TFEC: variants seen among roughly 807,000 people sequenced by gnomAD.
The protein encoded by TFEC is class E basic helix-loop-helix protein 34.
Under a neutral mutation model 41.6 loss-of-function variants are expected in TFEC, and 31 were observed. That is an observed-to-expected ratio of 0.74 (90% CI 0.56 to 1.01). TFEC has a LOEUF of 1.01. TFEC is among the 50% of genes least tolerant of loss of function. The pLI, the probability that TFEC is intolerant of heterozygous loss-of-function variation, is 0.00. For synonymous variants in TFEC, 143 were observed against 140.6 expected (o/e 1.02, Z -0.12); for missense variants, 402 against 404.1 (o/e 0.99, Z 0.04).
intron 3 of TFEC, among the ~76,000 whole-genome samples, chr7:116,097,645 C>T (rs1301504219): frequency 6.6e-6 from 1 of 152,092 alleles, no homozygotes; most frequent in African/African-American, 2.4e-5. Context: ...GTGATCTCAT[C>T]ACACTCCTCA....
intron 3 of TFEC, among the ~76,000 whole-genome samples, chr7:116,093,413 GAAAAGAAAAGCATTTCAGAAAGA>G (rs1418773301): frequency 6.6e-6 from 1 of 152,002 alleles, no homozygotes; most frequent in Non-Finnish European, 1.5e-5. Context: ...TTTTCAGAAA[GAAAAGAAAAGCATTTCAGAAAGA>G]AAAACTGAAA....
chr7:115,988,587 T>C (rs1422508014), intron 1 of TFEC, among the ~76,000 whole-genome samples: 5 of 151,650 alleles, frequency 3.3e-5, no homozygotes, highest in African/African-American at 7.3e-5. Context: ...TGTGGGACAA[T>C]GACAAAAGAT....
chr7:116,091,778 T>G (rs1040780470), intron 3 of TFEC, among the ~76,000 whole-genome samples: 18 of 152,158 alleles, frequency 1.2e-4, no homozygotes, highest in African/African-American at 4.3e-4. Flanking sequence ...AAATTCTTCT[T>G]TTTATAAACA....
chr7:116,035,323 G>A (rs181978815), upstream of TFEC, among the ~76,000 whole-genome samples: 10 of 152,036 alleles, frequency 6.6e-5, no homozygotes, highest in East Asian at 9.7e-4. Flanking sequence ...CCTGCAGGAC[G>A]CTCCTCTCTT....
intron 1 of TFEC, among the ~76,000 whole-genome samples, chr7:116,023,628 C>G (rs1240789079): frequency 6.6e-6 from 1 of 152,146 alleles, no homozygotes; most frequent in Non-Finnish European, 1.5e-5. Flanking sequence ...ATGAACATCT[C>G]AAGAGACTTG....
In TFEC at chr7:115,941,805, G is replaced by A. The variant is rs141421898; in HGVS notation, c.663+88C>T. 252 of 1,485,246 alleles carry A rather than the reference G, an allele frequency of 1.7e-4. 1 individual carries two copies. The East Asian group carries it at 5.8e-3, about 34-fold the overall frequency. 92.0% of individuals were successfully genotyped at this position (1,485,246 alleles called of 1,614,324 possible). A position where few individuals can be genotyped will look rare whatever the true frequency, so the allele number is the denominator to read the frequency against. On this transcript the variant is annotated intron_variant, in intron 7 of 7. Transcript: ENST00000265440. The stretch of plus-strand genomic sequence containing the variant: ...AAAGGAAAAATAATTGTTAATAAGA[G>A]AAAAAATAAATGAGACCAATGAAGA...
chr7:116,014,707 T>C (rs188099720), intron 1 of TFEC, among the ~76,000 whole-genome samples: 47 of 152,238 alleles, frequency 3.1e-4, no homozygotes, highest in African/African-American at 1.1e-3. Context: ...TGTTATTAAG[T>C]TGCAGACCTT....
At chr7:116,152,678 G>C (rs1172729747) in intron 1 of TFEC, among the ~76,000 whole-genome samples, 6 of 152,154 alleles carry the variant, frequency 3.9e-5, no homozygotes, top group African/African-American at 1.2e-4. Context: ...CTTAGTAATG[G>C]AGACAAAACC....
In TFEC at chr7:115,998,233, G is replaced by GT. The variant is rs1318028057; in HGVS notation, c.-72-13721dup. Among the ~76,000 whole-genome samples the GT allele has an allele frequency of 7.2e-5, 11 of 152,024 alleles. No individual in the cohort carries two copies. In the South Asian group the frequency reaches 8.3e-4, roughly 11 times the overall value. ...AAAACAAAATTTTATGCAGTCAGTGGTAAGTTGTCATCAACTTACCTATTT... is the reference window on the plus strand; with the variant it reads ...AAAACAAAATTTTATGCAGTCAGTGGTTAAGTTGTCATCAACTTACCTATTT... On this transcript the variant is annotated intron_variant, in intron 1 of 7. Transcript: ENST00000265440.
intron 1 of TFEC, among the ~76,000 whole-genome samples, chr7:116,017,221 GTTTT>G (rs972512066): frequency 6.6e-6 from 1 of 151,986 alleles, no homozygotes; most frequent in Non-Finnish European, 1.5e-5. Flanking sequence ...TGCTTTCCAT[GTTTT>G]TTTGTTTGTT....
chr7:116,099,027 T>A (rs1192257691), intron 3 of TFEC, among the ~76,000 whole-genome samples: 6 of 152,206 alleles, frequency 3.9e-5, no homozygotes, highest in Admixed American at 1.3e-4. Context: ...AGTTCTTACA[T>A]GATACCAAAA....
At position 116,081,931 on chromosome 7, in the gene TFEC, C is replaced by G. The variant is rs138500914; in HGVS notation, c.198+28777G>C. On this transcript the variant is annotated intron_variant, in intron 3 of 8. Coordinates refer to the TFEC transcript ENST00000484212. Reference sequence around the variant, plus strand: ...CAAGACACACTTTTAAATGCTACCTCTTCTATGCAATCTTCCAGGAGGTCC... The same window carrying G: ...CAAGACACACTTTTAAATGCTACCTGTTCTATGCAATCTTCCAGGAGGTCC... Among the ~76,000 whole-genome samples the G allele has an allele frequency of 2.0e-3, 301 of 152,100 alleles. 1 individual carries two copies. The highest frequency in any genetic ancestry group is 6.7e-3 in the African/African-American group (278 of 41,530).
At chr7:116,121,898 T>G (rs577200108) in intron 1 of TFEC, among the ~76,000 whole-genome samples, 2 of 152,100 alleles carry the variant, frequency 1.3e-5, no homozygotes, top group East Asian at 3.9e-4. Flanking sequence ...AATAAAAAAT[T>G]CATTAAAATG....
intron 3 of TFEC, chr7:116,110,644 AT>A: frequency 8.9e-7 from 1 of 1,123,606 alleles, no homozygotes; most frequent in African/African-American, 1.6e-5. Flanking sequence ...AAACAGACAG[AT>A]TTTCAGAGGT....
intron 3 of TFEC, among the ~76,000 whole-genome samples, chr7:115,970,599 A>G (rs2130573523): frequency 6.6e-6 from 1 of 152,164 alleles, no homozygotes; most frequent in Non-Finnish European, 1.5e-5. Context: ...AATACAGTAG[A>G]TCAGCATATA....
chr7:116,005,360 T>A (rs1248411662), intron 1 of TFEC, among the ~76,000 whole-genome samples: 11 of 152,120 alleles, frequency 7.2e-5, no homozygotes, highest in African/African-American at 2.7e-4. Flanking sequence ...GAGAATGATA[T>A]GAACAATAAG....
intron 1 of TFEC, chr7:116,112,144 G>T: frequency 2.1e-5 from 9 of 431,302 alleles, no homozygotes; most frequent in Non-Finnish European, 2.8e-5. Context: ...ACATACATTG[G>T]ATGTTCAATG....
At chr7:115,944,675 C>T (rs565463410) in intron 6 of TFEC, among the ~76,000 whole-genome samples, 7 of 151,684 alleles carry the variant, frequency 4.6e-5, no homozygotes, top group Admixed American at 3.9e-4. Context: ...GCCAACCATG[C>T]CACAATTGCT....
intron 1 of TFEC, among the ~76,000 whole-genome samples, chr7:116,004,007 G>A (rs951323740): frequency 6.6e-6 from 1 of 152,042 alleles, no homozygotes; most frequent in Non-Finnish European, 1.5e-5. Flanking sequence ...AAAATTAATG[G>A]CATTTTATGT....
Sources: allele counts gnomAD v4.1 joint callset (sites outside exome capture counted in the v4.1 genomes callset), GRCh38; gene constraint gnomAD v4.1.1; transcripts MANE v1.5; gene names NCBI Gene and HGNC (gene_info 2026-07-23, HGNC 2026-07-21).